Variants in MAP2K5 observed in about 807,000 individuals in gnomAD.
MAP2K5 encodes the protein mitogen-activated protein kinase kinase 5, also known as dual specificity mitogen-activated protein kinase kinase 5.
MAP2K5 carries 49 observed loss-of-function variants against 83.1 expected under a neutral mutation model. That is an observed-to-expected ratio of 0.59 (90% CI 0.47 to 0.75). The LOEUF is 0.75. MAP2K5 is among the 30% of genes least tolerant of loss of function. The probability of loss-of-function intolerance (pLI) is 0.00; values close to 1 mark genes in which losing one functional copy is unlikely to be tolerated. For synonymous variants in MAP2K5, 202 were observed against 191.8 expected (o/e 1.05, Z -0.44); for missense variants, 457 against 557.5 (o/e 0.82, Z 1.82).
chr15:67,764,255 T>C lies in MAP2K5; in HGVS notation c.1135-5347T>C, dbSNP rs2090002016. Among the ~76,000 whole-genome samples, 1 of 152,220 alleles carries C rather than the reference T, an allele frequency of 6.6e-6. No individual in the cohort carries two copies. The highest frequency in any genetic ancestry group is 1.5e-5 in the Non-Finnish European group (1 of 68,040). ...TATGCATAAGGTTTGAAGGAATGTC[T>C]GTTTTGTATAAGGAGAAGGGAACAG... On this transcript the variant is annotated intron_variant, in intron 19 of 21. Transcript: ENST00000178640. The surrounding 1 kb of genome is among the most constrained non-coding windows in gnomAD (Gnocchi z 4.9).
intron 1 of MAP2K5, chr15:67,548,952 C>T: frequency 8.2e-7 from 1 of 1,219,050 alleles, no homozygotes; most frequent in South Asian, 1.9e-5. Flanking sequence ...GACTATTATG[C>T]AAATTGCCAC....
intron 13 of MAP2K5, among the ~76,000 whole-genome samples, chr15:67,683,376 ATTAT>A (rs2087870455): frequency 2.0e-5 from 3 of 152,342 alleles, no homozygotes; most frequent in South Asian, 4.1e-4. Flanking sequence ...AAGTCCTAAG[ATTAT>A]TTATATCTAC....
intron 4 of MAP2K5, among the ~76,000 whole-genome samples, chr15:67,584,897 CA>C (rs1187898247): frequency 1.3e-5 from 2 of 151,358 alleles, no homozygotes; most frequent in African/African-American, 4.9e-5. Context: ...AGCGTTTCAC[CA>C]TATTGGCCAG....
At chr15:67,585,777 C>T (rs1275559965) in intron 4 of MAP2K5, 113 bp from the exon 5 acceptor site, 3 of 884,308 alleles carry the variant, frequency 3.4e-6, no homozygotes, top group Non-Finnish European at 5.6e-6. Context: ...ACTTTTCAAT[C>T]ATTTCTCTCT....
chr15:67,580,724 G>T (rs775340217), intron 3 of MAP2K5, 30 bp from the exon 4 acceptor site: 1 of 1,370,890 alleles, frequency 7.3e-7, no homozygotes, highest in South Asian at 1.2e-5. Flanking sequence ...ATACATTACT[G>T]AGTGATCTCT....
intron 16 of MAP2K5, among the ~76,000 whole-genome samples, chr15:67,712,954 T>G (rs370840134): frequency 1.3e-5 from 2 of 149,426 alleles, no homozygotes; most frequent in South Asian, 4.2e-4. Flanking sequence ...TCATGACAAC[T>G]TCTCATTAAA....
intron 12 of MAP2K5, among the ~76,000 whole-genome samples, chr15:67,662,846 G>A (rs2087272599): frequency 6.6e-6 from 1 of 152,020 alleles, no homozygotes; most frequent in Non-Finnish European, 1.5e-5. Flanking sequence ...ACCTTGCCTT[G>A]TCAACATATA....
chr15:67,588,065 G>C (rs1288376436), intron 6 of MAP2K5: 2 of 984,912 alleles, frequency 2.0e-6, no homozygotes, highest in Admixed American at 1.2e-4. Flanking sequence ...CTGAGCTGCA[G>C]TCATTCCCTG....
intron 16 of MAP2K5, among the ~76,000 whole-genome samples, chr15:67,705,724 G>A (rs550145570): frequency 2.4e-4 from 37 of 151,374 alleles, no homozygotes; most frequent in Middle Eastern, 3.4e-3. Flanking sequence ...TAACAAGAGC[G>A]AAACTCCATC....
At chr15:67,586,610 C>T (rs1227416372) in intron 5 of MAP2K5, among the ~76,000 whole-genome samples, 1 of 152,086 alleles carries the variant, frequency 6.6e-6, no homozygotes, top group Non-Finnish European at 1.5e-5. Context: ...GTTTATGTCT[C>T]CTTTTTCATC....
intron 19 of MAP2K5, among the ~76,000 whole-genome samples, chr15:67,761,164 GC>G (rs1188206780): frequency 6.6e-6 from 1 of 151,620 alleles, no homozygotes; most frequent in Non-Finnish European, 1.5e-5. Context: ...GTAGCAGATG[GC>G]ATTATGATTT....
rs554707425 is a variant in MAP2K5 at position 67,643,738 on chromosome 15, C to T, written c.586-2493C>T. On this transcript the variant is annotated intron_variant, in intron 9 of 21. Coordinates refer to ENST00000178640, the MANE Select transcript of MAP2K5 (RefSeq NM_145160.3). The stretch of plus-strand genomic sequence containing the variant: ...TGCTGGGATTACAGGCGTGAGCCAC[C>T]GCGCCCAGCTGCAAACTCTTGATAG... Among the ~76,000 whole-genome samples, 193 of 152,218 alleles carry T rather than the reference C, an allele frequency of 1.3e-3. 1 individual carries two copies. Among genetic ancestry groups the T allele is most frequent in the African/African-American group, 4.4e-3 (184 of 41,524 alleles).
At chr15:67,578,581 C>T (rs917791595) in intron 3 of MAP2K5, among the ~76,000 whole-genome samples, 5 of 152,064 alleles carry the variant, frequency 3.3e-5, no homozygotes, top group African/African-American at 1.2e-4. Context: ...AACCTAACTA[C>T]TCGCTTTAGA....
intron 3 of MAP2K5, among the ~76,000 whole-genome samples, chr15:67,568,388 T>G (rs951117041): frequency 6.6e-6 from 1 of 152,228 alleles, no homozygotes; most frequent in African/African-American, 2.4e-5. Flanking sequence ...ACTTGGACAT[T>G]GCCTCTAAAA....
intron 17 of MAP2K5, among the ~76,000 whole-genome samples, chr15:67,730,991 G>T (rs1450628572): frequency 6.6e-5 from 10 of 152,132 alleles, no homozygotes; most frequent in Admixed American, 6.5e-4. Flanking sequence ...ATTAAAGGAG[G>T]TATGCTGATC....
intron 16 of MAP2K5, among the ~76,000 whole-genome samples, chr15:67,723,725 A>G (rs1479146724): frequency 2.0e-5 from 3 of 152,014 alleles, no homozygotes; most frequent in Non-Finnish European, 2.9e-5. Context: ...TGGCACTTAT[A>G]TGTGTCTACA....
intron 12 of MAP2K5, among the ~76,000 whole-genome samples, chr15:67,661,702 C>T (rs2087241886): frequency 6.6e-6 from 1 of 151,986 alleles, no homozygotes; most frequent in Non-Finnish European, 1.5e-5. Context: ...ATTGGATTGC[C>T]TTCCCCTACA....
chr15:67,588,503 T>C (rs953302843), intron 6 of MAP2K5, among the ~76,000 whole-genome samples: 1 of 152,256 alleles, frequency 6.6e-6, no homozygotes, highest in African/African-American at 2.4e-5. Context: ...TGTCCTCCAG[T>C]AGATTCTATA....
chr15:67,650,231 A>G (rs1388638019), intron 11 of MAP2K5, among the ~76,000 whole-genome samples: 1 of 152,120 alleles, frequency 6.6e-6, no homozygotes, highest in East Asian at 1.9e-4. Flanking sequence ...TGGATTCCTT[A>G]GGGTTCTCTA....
Sources: allele counts gnomAD v4.1 joint callset (sites outside exome capture counted in the v4.1 genomes callset), GRCh38; gene constraint gnomAD v4.1.1; non-coding constraint Gnocchi (gnomAD v3.1); transcripts MANE v1.5; gene names NCBI Gene and HGNC (gene_info 2026-07-23, HGNC 2026-07-21).